The following CORO7 variants were observed in gnomAD, a reference collection of about 807,000 sequenced individuals.
CORO7 encodes coronin 7, also known as coronin-7.
A neutral mutation model predicts 126.6 loss-of-function variants in CORO7; 107 were observed. The ratio of observed to expected loss-of-function variants is 0.85; its 90% CI spans 0.72 to 0.99. The LOEUF (loss-of-function observed/expected upper bound fraction) is 0.99, where lower values mean the gene tolerates loss of function less well. Ranked by LOEUF, CORO7 falls within the 50% of genes least tolerant of loss-of-function variation. The probability of loss-of-function intolerance (pLI) is 0.00; values close to 1 mark genes in which losing one functional copy is unlikely to be tolerated. For synonymous variants in CORO7, 603 were observed against 536.8 expected (o/e 1.12, Z -1.70); for missense variants, 1,314 against 1,255.8 (o/e 1.05, Z -0.70).
chr16:4,398,665 G>GAAA (rs1215312750), intron 6 of CORO7, among the ~76,000 whole-genome samples: 1 of 116,428 alleles, frequency 8.6e-6, no homozygotes. Context: ...GACTCCATCT[G>GAAA]AAAAAAAAAA....
At position 4,366,750 on chromosome 16, in the gene CORO7, C is replaced by T. The variant is rs141338565; in HGVS notation, c.786-1205G>A. Among the ~76,000 whole-genome samples the T allele has an allele frequency of 1.7e-4, 26 of 152,116 alleles. No individual in the cohort carries two copies. In the East Asian group the frequency reaches 5.0e-3, roughly 29 times the overall value. ...TAGAAACAAGGTCTCACTATGCTTC[C>T]GAGGCCGGTCTCAAACTCCTGGCCT... On this transcript the variant is annotated intron_variant, in intron 9 of 27. Transcript: ENST00000251166.
At chr16:4,389,533 C>T (rs1245322229) in intron 7 of CORO7, among the ~76,000 whole-genome samples, 1 of 152,164 alleles carries the variant, frequency 6.6e-6, no homozygotes, top group Admixed American at 6.5e-5. Flanking sequence ...GGGGCCCCCT[C>T]CCCAGCCCGT....
At chr16:4,410,316 T>C (rs937109578) in intron 3 of CORO7, among the ~76,000 whole-genome samples, 1 of 152,036 alleles carries the variant, frequency 6.6e-6, no homozygotes, top group South Asian at 2.1e-4. Flanking sequence ...TCCCAGCTAC[T>C]AGGGAGGCTG....
chr16:4,364,765 T>C lies in CORO7; in HGVS notation c.1044+10A>G. 2 of 1,608,318 alleles carry C rather than the reference T, an allele frequency of 1.2e-6. No individual in the cohort carries two copies. The highest frequency in any genetic ancestry group is 8.5e-7 in the Non-Finnish European group (1 of 1,177,916). On this transcript the variant is annotated intron_variant, in intron 12 of 27. Coordinates refer to ENST00000251166, the MANE Select transcript of CORO7 (RefSeq NM_024535.5). ...CAGCCCCCGCAGTCCCTCGCCCAAG[T>C]CCCCCTCACCTTGCGGGGCACATGG...
Position 4,392,116 on chromosome 16 carries a change from T to C in CORO7, c.615+3173A>G, listed in dbSNP as rs552019832. 8.5e-4 allele frequency among the ~76,000 whole-genome samples: 130 copies of C among 152,272 alleles called. 3 individuals are homozygous for C. In the South Asian group the frequency reaches 0.017, roughly 20 times the overall value. On this transcript the variant is annotated intron_variant, in intron 7 of 27. Transcript: ENST00000251166. Reference sequence around the variant, plus strand: ...ACTGGCCTGTCTGATGCACTGAGATTCCTAGAGGGCTCAATCCGGGGCCCC... The same window carrying C: ...ACTGGCCTGTCTGATGCACTGAGATCCCTAGAGGGCTCAATCCGGGGCCCC...
chr16:4,408,029 G>A (rs2056070355), intron 4 of CORO7, 152 bp downstream of exon 4: 1 of 1,226,478 alleles, frequency 8.2e-7, no homozygotes, highest in Non-Finnish European at 1.1e-6. Context: ...GCCAGTGTGG[G>A]ACCAGGAATT....
At position 4,358,491 on chromosome 16, in the gene CORO7, A is replaced by T; in HGVS notation, c.2341-8T>A. On this transcript the variant is annotated splice_polypyrimidine_tract_variant and splice_region_variant and intron_variant, in intron 23 of 27. Coordinates refer to ENST00000251166, the MANE Select transcript of CORO7 (RefSeq NM_024535.5). ...AGGCAGGAGGACGAGGCCCTGGGGG[A>T]GCAAGGGAGTCGGAGCTGCCGCTGG... 6.3e-7 allele frequency: 1 copy of T among 1,581,506 alleles called. No individual in the cohort carries two copies. Among genetic ancestry groups the T allele is most frequent in the Non-Finnish European group, 8.6e-7 (1 of 1,160,164 alleles).
At chr16:4,357,085 T>G in intron 26 of CORO7, 83 bp downstream of exon 26, 2 of 1,550,108 alleles carry the variant, frequency 1.3e-6, no homozygotes, top group African/African-American at 2.7e-5. Flanking sequence ...CCAGTCTGGG[T>G]TGGGGATGGA....
chr16:4,388,669 C>T (rs1387832348), intron 7 of CORO7, 38 bp from the exon 8 acceptor site: 4 of 1,590,826 alleles, frequency 2.5e-6, no homozygotes, highest in Admixed American at 3.6e-5. Flanking sequence ...CCCCCAGGGC[C>T]CTGCTGGTGG....
intron 3 of CORO7, among the ~76,000 whole-genome samples, chr16:4,411,067 G>C (rs140770823): frequency 6.6e-6 from 1 of 152,300 alleles, no homozygotes; most frequent in African/African-American, 2.4e-5. Context: ...CTGGATGGCA[G>C]TGCACATGAC....
intron 9 of CORO7, chr16:4,382,664 C>G (rs532997337): frequency 1.9e-5 from 30 of 1,552,008 alleles, no homozygotes; most frequent in African/African-American, 2.7e-5. Flanking sequence ...GTGGGGGCAG[C>G]CTACTGTGTG....
rs1197974416 is a variant in CORO7 at position 4,372,262 on chromosome 16, ACACCCCGTCC to A, written c.786-6727_786-6718del. On this transcript the variant is annotated intron_variant, in intron 9 of 27. Transcript: ENST00000251166. ...GCGAGGCTGCAAGCAGACAAAATAA[ACACCCCGTCC>A]CATGCTTCCTCCTCCCACGGCTGGG... 1.3e-5 allele frequency among the ~76,000 whole-genome samples: 2 copies of A among 152,080 alleles called. 1 individual carries two copies. The highest frequency in any genetic ancestry group is 2.9e-5 in the Non-Finnish European group (2 of 67,992).
At chr16:4,380,830 A>C in intron 9 of CORO7, 1 of 1,433,330 alleles carries the variant, frequency 7.0e-7, no homozygotes, top group Non-Finnish European at 9.1e-7. Context: ...TAGGCCCCTG[A>C]CTCACAGTCT....
chr16:4,407,402 T>A (rs545173214), intron 5 of CORO7, 99 bp downstream of exon 5: 1 of 1,394,206 alleles, frequency 7.2e-7, no homozygotes, highest in Admixed American at 2.5e-5. Context: ...AACTTTGATA[T>A]CTGTTTTTAA....
At chr16:4,392,883 G>C (rs2141277254) in intron 7 of CORO7, among the ~76,000 whole-genome samples, 1 of 152,288 alleles carries the variant, frequency 6.6e-6, no homozygotes, top group East Asian at 1.9e-4. Context: ...AGCTGGAAGG[G>C]GTGGGAGCCA....
intron 7 of CORO7, among the ~76,000 whole-genome samples, chr16:4,392,301 G>A (rs1030380164): frequency 3.3e-5 from 5 of 152,086 alleles, no homozygotes; most frequent in African/African-American, 9.7e-5. Context: ...CCAGAGGGGC[G>A]AGCCTGCCTC....
chr16:4,393,744 AC>A (rs1445021477), intron 7 of CORO7, among the ~76,000 whole-genome samples: 2 of 152,204 alleles, frequency 1.3e-5, no homozygotes, highest in East Asian at 3.9e-4. Flanking sequence ...TAACAGTAGG[AC>A]CCTAAACTTC....
intron 1 of CORO7, chr16:4,416,033 C>G (rs1169802708): frequency 1.4e-5 from 5 of 350,478 alleles, no homozygotes; most frequent in Non-Finnish European, 8.1e-6. Context: ...GGGCGTCTCC[C>G]CACAGCCCAG....
At position 4,365,031 on chromosome 16, in the gene CORO7, C is replaced by T. The variant is rs140738162; in HGVS notation, c.870G>A (p.Val290=). The T allele has an allele frequency of 1.2e-6, 2 of 1,605,242 alleles. No homozygotes were observed. The highest frequency in any genetic ancestry group is 8.5e-7 in the Non-Finnish European group (1 of 1,176,368). ...GGCTCAGCGCCGGCTGCTGCGGGAC[C>T]ACCTCGTAACAGTACAGCTGCCTCT... The part of the protein sequence containing the change: ...KGERQLYCYE[V]VPQQPALSPV... Residue 290 remains valine, a synonymous_variant, in exon 11 of 28, where the codon GTG becomes GTA. Coordinates refer to ENST00000251166, the MANE Select transcript of CORO7 (RefSeq NM_024535.5).
Sources: gnomAD v4.1 joint callset for allele counts (sites outside exome capture counted in the v4.1 genomes callset) on GRCh38, gnomAD v4.1.1 for gene constraint, MANE v1.5 for transcripts, NCBI Gene and HGNC (gene_info 2026-07-23, HGNC 2026-07-21) for gene names.